CASK: variants seen among roughly 807,000 people sequenced by gnomAD.
CASK encodes the protein calcium/calmodulin dependent serine protein kinase.
CASK carries 4 observed loss-of-function variants against 82.9 expected under a neutral mutation model. The ratio of observed to expected loss-of-function variants is 0.05; its 90% CI spans 0.02 to 0.11. CASK has a LOEUF of 0.11. Ranked by LOEUF, CASK falls within the 10% of genes least tolerant of loss-of-function variation. The probability of loss-of-function intolerance (pLI) is 1.00; values close to 1 mark genes in which losing one functional copy is unlikely to be tolerated. For missense variants in CASK, 358 were observed against 720.9 expected, an observed-to-expected ratio of 0.50 and a Z score of 5.76; for synonymous variants, 259 against 253.5, an observed-to-expected ratio of 1.02 and a Z score of -0.20.
intron 3 of CASK, among the ~76,000 whole-genome samples, chrX:41,770,671 G>A (rs752264153): frequency 9.0e-6 from 1 of 111,363 alleles, no homozygotes; most frequent in African/African-American, 3.3e-5. Context: ...TTACAGGTGT[G>A]AGCCACCATG....
chrX:41,803,847 T>C (rs2070055517), intron 2 of CASK, among the ~76,000 whole-genome samples: 1 of 106,902 alleles, frequency 9.4e-6, no homozygotes, highest in East Asian at 2.8e-4. Context: ...GAAATAGTAA[T>C]ATATGTTGCT....
intron 12 of CASK, among the ~76,000 whole-genome samples, chrX:41,609,203 C>T (rs191950477): frequency 1.8e-5 from 2 of 111,875 alleles, no homozygotes; most frequent in Admixed American, 9.4e-5. Flanking sequence ...GCAACCTCTG[C>T]CTCCTGGGTT....
intron 21 of CASK, among the ~76,000 whole-genome samples, chrX:41,546,517 T>C (rs1199098566): frequency 8.9e-6 from 1 of 112,074 alleles, no homozygotes; most frequent in Non-Finnish European, 1.9e-5. Flanking sequence ...GCCCAGGCTG[T>C]AGTGCAGTGG....
At chrX:41,672,289 C>T (rs1252455862) in intron 5 of CASK, among the ~76,000 whole-genome samples, 2 of 110,857 alleles carry the variant, frequency 1.8e-5, no homozygotes, top group African/African-American at 6.6e-5. Flanking sequence ...TTTGTGATAA[C>T]AATGAGGGTT....
intron 8 of CASK, among the ~76,000 whole-genome samples, chrX:41,641,088 C>T (rs991937235): frequency 2.9e-5 from 3 of 104,916 alleles, no homozygotes; most frequent in African/African-American, 1.0e-4. Context: ...TCAGTTCAAG[C>T]TATTCTCGTG....
chrX:41,676,275 T>C (rs1220669277), intron 5 of CASK: 2 of 1,192,701 alleles, frequency 1.7e-6, no homozygotes. Context: ...TGCTGTTTTT[T>C]CTCAGCACCT....
intron 1 of CASK, among the ~76,000 whole-genome samples, chrX:41,859,626 T>G (rs5918264): frequency 0.018 from 2,047 of 111,844 alleles, 22 homozygotes; most frequent in Middle Eastern, 0.046. Flanking sequence ...AGCATAGTGC[T>G]GAAGGGACTG....
chrX:41,692,728 G>A (rs1158355136), intron 5 of CASK, among the ~76,000 whole-genome samples: 2 of 111,974 alleles, frequency 1.8e-5, no homozygotes, highest in African/African-American at 6.5e-5. Flanking sequence ...ATCAAACACT[G>A]CATTCCAGGT....
At chrX:41,616,445 T>C (rs2066199234) in intron 11 of CASK, among the ~76,000 whole-genome samples, 1 of 111,116 alleles carries the variant, frequency 9.0e-6, no homozygotes, top group African/African-American at 3.3e-5. Context: ...CTGGGTTTGT[T>C]TGGCTTCAAA....
rs192894863 is a variant in CASK at position 41,733,585 on chromosome X, A to C, written c.429+5799T>G. Among the ~76,000 whole-genome samples the C allele has an allele frequency of 1.2e-3, 131 of 108,472 alleles. 1 individual carries two copies. Among genetic ancestry groups the C allele is most frequent in the African/African-American group, 4.2e-3 (126 of 29,800 alleles). The allele number at this position is 108,472 out of a possible 115,157, so 94.2% of individuals were successfully genotyped here. ...AACACAGTGAAACCCCGTCTCTACTAAAAATACAAAAAAATTAGCCGGGCA... is the reference window on the plus strand; with the variant it reads ...AACACAGTGAAACCCCGTCTCTACTCAAAATACAAAAAAATTAGCCGGGCA... On this transcript the variant is annotated intron_variant, in intron 5 of 26. Transcript: ENST00000378163.
intron 1 of CASK, among the ~76,000 whole-genome samples, chrX:41,888,577 A>T (rs2072089623): frequency 1.8e-5 from 2 of 109,054 alleles, no homozygotes; most frequent in Admixed American, 1.0e-4. Context: ...AGGTTGCTGC[A>T]AATGCCATTA....
chrX:41,545,451 C>G (rs1045460845), intron 21 of CASK, among the ~76,000 whole-genome samples: 4 of 112,502 alleles, frequency 3.6e-5, no homozygotes, highest in Non-Finnish European at 7.5e-5. Flanking sequence ...AGTGCTATTT[C>G]TGTCACACAT....
intron 25 of CASK, among the ~76,000 whole-genome samples, chrX:41,529,047 T>A (rs2064757044): frequency 1.8e-5 from 2 of 112,143 alleles, no homozygotes; most frequent in African/African-American, 6.5e-5. Flanking sequence ...GCAATCCCTA[T>A]CCCCAGGGCC....
intron 11 of CASK, among the ~76,000 whole-genome samples, chrX:41,612,225 G>T (rs1003968936): frequency 3.7e-5 from 4 of 108,863 alleles, no homozygotes; most frequent in Non-Finnish European, 7.7e-5. Flanking sequence ...GAGCATCTCT[G>T]CCCCGCCGCC....
chrX:41,786,520 T>A (rs1440829638), intron 3 of CASK, among the ~76,000 whole-genome samples: 1 of 108,988 alleles, frequency 9.2e-6, no homozygotes, highest in Non-Finnish European at 1.9e-5. Context: ...CAGGCATGAG[T>A]CACCACTCCC....
rs1053122183 is a variant in CASK at position 41,519,112 on chromosome X, G to C, written c.*1308C>G. ...GATACTCACTCCTGGGCCTTCAAAG[G>C]TTCAATGAGCATCTAACAAATTATA... On this transcript the variant is annotated 3_prime_UTR_variant, in exon 27 of 27. Transcript: ENST00000378163. 1 of 111,401 alleles carries C rather than the reference G, an allele frequency of 9.0e-6. No homozygotes were observed. The highest frequency in any genetic ancestry group is 3.3e-5 in the African/African-American group (1 of 30,612). The allele number at this position is 111,401 out of a possible 1,213,427, so 9.2% of individuals were successfully genotyped here.
At chrX:41,644,551 T>C (rs1257483711) in intron 8 of CASK, among the ~76,000 whole-genome samples, 9 of 111,736 alleles carry the variant, frequency 8.1e-5, no homozygotes, top group Admixed American at 9.6e-5. Context: ...GTTTGAGCAA[T>C]ATGAAATGTA....
At chrX:41,749,080 T>C (rs1419801722) in intron 3 of CASK, among the ~76,000 whole-genome samples, 1 of 110,337 alleles carries the variant, frequency 9.1e-6, no homozygotes. Flanking sequence ...AGGCCAGGAG[T>C]TCGCGACCAG....
intron 20 of CASK, among the ~76,000 whole-genome samples, chrX:41,555,216 C>T (rs770942315): frequency 1.8e-5 from 2 of 112,297 alleles, no homozygotes; most frequent in East Asian, 5.5e-4. Context: ...CTTTCAACTT[C>T]AGAAAATTTT....
Sources: allele counts gnomAD v4.1 joint callset (sites outside exome capture counted in the v4.1 genomes callset), GRCh38; gene constraint gnomAD v4.1.1; transcripts MANE v1.5; gene names NCBI Gene and HGNC (gene_info 2026-07-23, HGNC 2026-07-21).